The following BLTP3A variants were observed in gnomAD, a reference collection of about 807,000 sequenced individuals.
The protein encoded by BLTP3A is ICBP90 binding protein 1.
At chr6:34,815,027 G>C in the BLTP3A span, among the ~76,000 whole-genome samples, 1 of 152,158 alleles carries the variant, frequency 6.6e-6, no homozygotes, top group East Asian at 1.9e-4. Context: ...AGGGCAAACT[G>C]CTTCATATCC....
At chr6:34,821,758 G>A in the BLTP3A span, 66 of 1,614,050 alleles carry the variant, frequency 4.1e-5, no homozygotes, top group Admixed American at 4.3e-4. Flanking sequence ...AGAATGTACT[G>A]GAGCTGCCCA....
the BLTP3A span, among the ~76,000 whole-genome samples, chr6:34,822,825 G>A: frequency 6.6e-6 from 1 of 151,562 alleles, no homozygotes; most frequent in Admixed American, 6.6e-5. Flanking sequence ...CTGCAGCCTG[G>A]GTGATAAGAG....
chr6:34,827,287 G>C, the BLTP3A span, among the ~76,000 whole-genome samples: 1 of 151,726 alleles, frequency 6.6e-6, no homozygotes, highest in African/African-American at 2.4e-5. Flanking sequence ...CTCCAGCCTG[G>C]TGACAGAGTG....
At chr6:34,852,968 A>G in the BLTP3A span, among the ~76,000 whole-genome samples, 1 of 152,198 alleles carries the variant, frequency 6.6e-6, no homozygotes, top group Non-Finnish European at 1.5e-5. Context: ...GCAAAGTCCC[A>G]TAATTACTAT....
At chr6:34,870,818 G>A in the BLTP3A span, 184 of 1,606,050 alleles carry the variant, frequency 1.1e-4, no homozygotes, top group Middle Eastern at 5.0e-4. Flanking sequence ...CTCCCTGGCC[G>A]TTAATTAGTT....
At chr6:34,866,562 A>T in the BLTP3A span, among the ~76,000 whole-genome samples, 1 of 152,116 alleles carries the variant, frequency 6.6e-6, no homozygotes, top group Non-Finnish European at 1.5e-5. Context: ...ACAGACTTAA[A>T]TTTTTTTAAA....
At chr6:34,799,040 C>T in the BLTP3A span, among the ~76,000 whole-genome samples, 2 of 152,042 alleles carry the variant, frequency 1.3e-5, no homozygotes, top group African/African-American at 2.4e-5. Context: ...CTCCTGGGCT[C>T]CTGTGATCCT....
chr6:34,857,306 A>T, the BLTP3A span: 3 of 1,613,400 alleles, frequency 1.9e-6, no homozygotes, highest in Admixed American at 5.0e-5. Flanking sequence ...TGTTGATACT[A>T]ACAAAAAGTT....
chr6:34,863,200 C>A, the BLTP3A span, among the ~76,000 whole-genome samples: 1 of 152,170 alleles, frequency 6.6e-6, no homozygotes, highest in Non-Finnish European at 1.5e-5. Flanking sequence ...AGTCACTGCG[C>A]CCGGCCTGAG....
chr6:34,821,988 T>C, the BLTP3A span: 11 of 1,613,858 alleles, frequency 6.8e-6, no homozygotes, highest in South Asian at 3.3e-5. Flanking sequence ...AGTTATCAAA[T>C]GGGGATGGCC....
At chr6:34,863,274 G>A in the BLTP3A span, among the ~76,000 whole-genome samples, 2 of 152,254 alleles carry the variant, frequency 1.3e-5, no homozygotes, top group Non-Finnish European at 2.9e-5. Flanking sequence ...AAATGGGAGG[G>A]TGGTATTTAA....
the BLTP3A span, chr6:34,856,335 A>C: frequency 2.5e-6 from 4 of 1,614,182 alleles, no homozygotes; most frequent in South Asian, 4.4e-5. Context: ...AGCAAAATGG[A>C]GAAGTGGCAT....
chr6:34,832,908 T>A, the BLTP3A span, among the ~76,000 whole-genome samples: 72 of 152,308 alleles, frequency 4.7e-4, 1 homozygote, highest in Admixed American at 3.1e-3. Context: ...AAATATATAT[T>A]TTTTTTCAGT....
At chr6:34,863,859 A>G in the BLTP3A span, 2 of 734,676 alleles carry the variant, frequency 2.7e-6, no homozygotes, top group Non-Finnish European at 4.2e-6. Context: ...ACAGCCAGTA[A>G]TAGGTAATGT....
At chr6:34,822,253 AT>A in the BLTP3A span, among the ~76,000 whole-genome samples, 338 of 139,456 alleles carry the variant, frequency 2.4e-3, 1 homozygote, top group Middle Eastern at 3.6e-3. Context: ...TTCCCTTGAA[AT>A]TTTTTTTTTT....
the BLTP3A span, chr6:34,867,655 T>G: frequency 6.3e-7 from 1 of 1,591,350 alleles, no homozygotes; most frequent in Non-Finnish European, 8.5e-7. Context: ...TCATGGGACT[T>G]GTCTAGGACA....
At chr6:34,858,575 G>T in the BLTP3A span, 60 of 1,614,048 alleles carry the variant, frequency 3.7e-5, no homozygotes, top group Non-Finnish European at 5.0e-5. Flanking sequence ...GCCCAGGCAC[G>T]GAAGCTTCTT....
At chr6:34,855,135 A>G in the BLTP3A span, among the ~76,000 whole-genome samples, 1 of 152,344 alleles carries the variant, frequency 6.6e-6, no homozygotes, top group South Asian at 2.1e-4. Flanking sequence ...CTTTGTACGT[A>G]TAGTATATAA....
At chr6:34,796,862 G>A in the BLTP3A span, among the ~76,000 whole-genome samples, 2 of 152,084 alleles carry the variant, frequency 1.3e-5, no homozygotes, top group African/African-American at 4.8e-5. Context: ...ACGCCACCAC[G>A]CCCGGCTAAT....
Sources: gnomAD v4.1 joint callset for allele counts (sites outside exome capture counted in the v4.1 genomes callset) on GRCh38, gnomAD v4.1.1 for gene constraint, MANE v1.5 for transcripts, NCBI Gene and HGNC (gene_info 2026-07-23, HGNC 2026-07-21) for gene names.